Variants in TEX11 observed in about 807,000 individuals in gnomAD.
TEX11 encodes the protein testis-expressed protein 11.
A neutral mutation model predicts 84.4 loss-of-function variants in TEX11; 7 were observed. The observed-to-expected ratio is 0.08, with a 90% CI of 0.05 to 0.16. The LOEUF (loss-of-function observed/expected upper bound fraction) is 0.16. TEX11 is among the 10% of genes least tolerant of loss of function. The pLI is 1.00. For missense variants in TEX11, 551 were observed against 660.5 expected (o/e 0.83, Z 1.82); for synonymous variants, 264 against 222.8 (o/e 1.18, Z -1.64).
At chrX:70,554,627 C>T (rs2088262695) in intron 26 of TEX11, 24 bp downstream of exon 26, 1 of 1,165,995 alleles carries the variant, frequency 8.6e-7, no homozygotes, top group Admixed American at 2.5e-5. Context: ...ACCAGCCTTA[C>T]AAAAGCATAA....
In TEX11 at chrX:70,745,665, T is replaced by C. The variant is rs2090763724; in HGVS notation, c.693-1446A>G. On this transcript the variant is annotated intron_variant, in intron 9 of 29. Transcript: ENST00000374333. ...ATGATTATCGCTTAAACCTAGGAGGTGGAGGTCGCAGTGAGCCAATACTGT... is the reference window on the plus strand; with the variant it reads ...ATGATTATCGCTTAAACCTAGGAGGCGGAGGTCGCAGTGAGCCAATACTGT... Among the ~76,000 whole-genome samples, 2 of 111,401 alleles carry C rather than the reference T, an allele frequency of 1.8e-5. 1 individual carries two copies. Among genetic ancestry groups the C allele is most frequent in the Middle Eastern group, 8.4e-3 (2 of 238 alleles).
chrX:70,568,107 T>G (rs985525349), intron 25 of TEX11, among the ~76,000 whole-genome samples: 9 of 111,944 alleles, frequency 8.0e-5, no homozygotes, highest in Non-Finnish European at 1.5e-4. Context: ...GGTGCATATA[T>G]ATTTAGGATA....
intron 15 of TEX11, 103 bp downstream of exon 15, chrX:70,678,701 C>G: frequency 1.6e-6 from 1 of 610,026 alleles, no homozygotes; most frequent in Non-Finnish European, 2.6e-6. Flanking sequence ...TCTAAACAGA[C>G]AGAGATTATT....
intron 25 of TEX11, among the ~76,000 whole-genome samples, chrX:70,565,351 G>A (rs2088449943): frequency 9.3e-6 from 1 of 107,043 alleles, no homozygotes; most frequent in South Asian, 4.2e-4. Context: ...CATTTTGTAG[G>A]TTGCCTGTTC....
chrX:70,512,504 C>A, the TEX11 span, among the ~76,000 whole-genome samples: 1 of 108,684 alleles, frequency 9.2e-6, no homozygotes, highest in Non-Finnish European at 1.9e-5. Flanking sequence ...CAGGCATGAG[C>A]AGTGACTGGG....
intron 24 of TEX11, among the ~76,000 whole-genome samples, chrX:70,603,856 GA>G (rs1309679340): frequency 1.0e-5 from 1 of 98,176 alleles, no homozygotes; most frequent in African/African-American, 3.7e-5. Flanking sequence ...AAATTTACAA[GA>G]AAAAAACAAA....
At chrX:70,859,472 C>G (rs1287905340) in intron 5 of TEX11, among the ~76,000 whole-genome samples, 1 of 102,220 alleles carries the variant, frequency 9.8e-6, no homozygotes, top group East Asian at 3.1e-4. Flanking sequence ...ATCCCAGTTA[C>G]TCGGGAAGCT....
intron 4 of TEX11, among the ~76,000 whole-genome samples, chrX:70,864,741 C>CAA (rs1158189701): frequency 8.3e-5 from 3 of 36,047 alleles, no homozygotes; most frequent in Admixed American, 3.4e-4. Flanking sequence ...GATGCCATCT[C>CAA]AAAAAAAAAA....
chrX:70,572,801 T>G (rs2088620812), intron 25 of TEX11, among the ~76,000 whole-genome samples: 1 of 87,693 alleles, frequency 1.1e-5, no homozygotes, highest in Non-Finnish European at 2.1e-5. Context: ...AATTGAACAA[T>G]GAGAACACAT....
intron 2 of TEX11, among the ~76,000 whole-genome samples, chrX:70,886,765 T>C (rs760737098): frequency 1.6e-4 from 18 of 111,594 alleles, no homozygotes; most frequent in Non-Finnish European, 2.1e-4. Context: ...GCTCAGAGAA[T>C]AGAGCAAACC....
intron 2 of TEX11, among the ~76,000 whole-genome samples, chrX:70,883,045 T>G (rs1260651959): frequency 8.9e-6 from 1 of 112,495 alleles, no homozygotes; most frequent in African/African-American, 3.2e-5. Context: ...TCAGCAAAGC[T>G]GGGTAAGTGA....
At chrX:70,520,336 T>G in the TEX11 span, among the ~76,000 whole-genome samples, 1 of 112,425 alleles carries the variant, frequency 8.9e-6, no homozygotes. Context: ...GTTGATGCTA[T>G]TTCTTTCTGT....
At position 70,529,057 on chromosome X, in the gene TEX11, C is replaced by A; in HGVS notation, c.*38G>T. On this transcript the variant is annotated 3_prime_UTR_variant, in exon 30 of 30. Transcript: ENST00000374333. ...GCAAAAATTTAAACAGTCAGCATCT[C>A]GGGACAATGTATCTTCTTCATGTGG... is the stretch of plus-strand genomic sequence containing the variant. 1 of 1,102,728 alleles carries A rather than the reference C, an allele frequency of 9.1e-7. No homozygotes were observed. Among genetic ancestry groups the A allele is most frequent in the African/African-American group, 1.8e-5 (1 of 55,596 alleles). The allele number at this position is 1,102,728 out of a possible 1,213,427, so 90.9% of individuals were successfully genotyped here.
At chrX:70,562,797 C>T (rs925886121) in intron 25 of TEX11, among the ~76,000 whole-genome samples, 3 of 112,370 alleles carry the variant, frequency 2.7e-5, no homozygotes, top group Admixed American at 9.4e-5. Context: ...CCTAAAGATT[C>T]TCTCATGTTA....
intron 2 of TEX11, among the ~76,000 whole-genome samples, chrX:70,895,681 C>T (rs1352393915): frequency 1.8e-5 from 2 of 111,433 alleles, no homozygotes; most frequent in Non-Finnish European, 3.8e-5. Flanking sequence ...GATATATAGA[C>T]CAATGGAACA....
intron 9 of TEX11, among the ~76,000 whole-genome samples, chrX:70,804,892 ACT>A (rs1045511844): frequency 9.2e-6 from 1 of 108,574 alleles, no homozygotes; most frequent in African/African-American, 3.4e-5. Context: ...ATGACTCCTA[ACT>A]CACCCTCATT....
intron 25 of TEX11, among the ~76,000 whole-genome samples, chrX:70,559,828 T>C (rs1848417668): frequency 8.9e-6 from 1 of 112,111 alleles, no homozygotes; most frequent in Non-Finnish European, 1.9e-5. Context: ...GTACATACTG[T>C]GGTGAAGAGA....
chrX:70,713,465 C>T (rs1453589525), intron 13 of TEX11, among the ~76,000 whole-genome samples: 37 of 111,870 alleles, frequency 3.3e-4, no homozygotes, highest in African/African-American at 1.0e-3. Flanking sequence ...GCCTCAATGG[C>T]AGAGCCTGTT....
chrX:70,576,253 T>A (rs1211704805), intron 25 of TEX11, among the ~76,000 whole-genome samples: 1 of 111,811 alleles, frequency 8.9e-6, no homozygotes, highest in Non-Finnish European at 1.9e-5. Flanking sequence ...TTTTCCAATT[T>A]TCCCTCAAGA....
Sources: gnomAD v4.1 joint callset for allele counts (sites outside exome capture counted in the v4.1 genomes callset) on GRCh38, gnomAD v4.1.1 for gene constraint, MANE v1.5 for transcripts, NCBI Gene and HGNC (gene_info 2026-07-23, HGNC 2026-07-21) for gene names.